Variants in CDH13 observed in about 807,000 individuals in gnomAD.
CDH13 encodes the protein cadherin 13.
A neutral mutation model predicts 63.8 loss-of-function variants in CDH13; 24 were observed. That is an observed-to-expected ratio of 0.38 (90% confidence interval 0.27 to 0.53). The LOEUF is 0.53. Among genes scored for constraint, CDH13 ranks in the 20% least tolerant of loss-of-function variants. CDH13 has a pLI of 0.85. For synonymous variants in CDH13, 503 were observed against 355.3 expected (o/e 1.42, Z -4.67); for missense variants, 1,049 against 903.1 (o/e 1.16, Z -2.07).
At chr16:83,398,614 T>C (rs1166859657) in intron 6 of CDH13, among the ~76,000 whole-genome samples, 1 of 138,160 alleles carries the variant, frequency 7.2e-6, no homozygotes, top group African/African-American at 2.8e-5. Flanking sequence ...GAGCCACCAT[T>C]CAATTCATGG....
intron 5 of CDH13, among the ~76,000 whole-genome samples, chr16:83,342,516 C>G (rs71402063): frequency 6.6e-6 from 1 of 152,178 alleles, no homozygotes; most frequent in Non-Finnish European, 1.5e-5. Context: ...TCTGAAAAGT[C>G]TGAGTCAAAC....
intron 5 of CDH13, among the ~76,000 whole-genome samples, chr16:83,220,085 C>T (rs965760385): frequency 2.6e-5 from 4 of 152,206 alleles, no homozygotes; most frequent in Admixed American, 1.3e-4. Context: ...CCCTTGGCAG[C>T]GCACTCTTCA....
At chr16:82,782,408 A>G (rs2151116951) in intron 1 of CDH13, among the ~76,000 whole-genome samples, 1 of 152,166 alleles carries the variant, frequency 6.6e-6, no homozygotes, top group South Asian at 2.1e-4. Context: ...AAAAATACAA[A>G]CATTAGCCAG....
chr16:82,894,969 G>A (rs921553189), intron 2 of CDH13, among the ~76,000 whole-genome samples: 2 of 152,182 alleles, frequency 1.3e-5, no homozygotes, highest in Admixed American at 6.5e-5. Flanking sequence ...AGGGAAGGGG[G>A]ATGATCTTGT....
chr16:83,514,959 C>T (rs778264270), intron 7 of CDH13, among the ~76,000 whole-genome samples: 1 of 152,112 alleles, frequency 6.6e-6, no homozygotes, highest in Non-Finnish European at 1.5e-5. Flanking sequence ...CACTGAGATG[C>T]CCCTGTTTCT....
chr16:83,698,172 G>T (rs555820973), intron 10 of CDH13, among the ~76,000 whole-genome samples: 2 of 152,330 alleles, frequency 1.3e-5, no homozygotes, highest in Non-Finnish European at 2.9e-5. Context: ...TTTTTAACCA[G>T]GCTGTACTGT....
intron 6 of CDH13, among the ~76,000 whole-genome samples, chr16:83,367,225 T>A (rs2091275394): frequency 6.6e-6 from 1 of 152,214 alleles, no homozygotes; most frequent in Non-Finnish European, 1.5e-5. Context: ...AGTCATGCAA[T>A]ATGTGGCCTT....
At chr16:83,460,196 T>G (rs1370564292) in intron 6 of CDH13, among the ~76,000 whole-genome samples, 1 of 152,244 alleles carries the variant, frequency 6.6e-6, no homozygotes, top group Non-Finnish European at 1.5e-5. Flanking sequence ...TAGATGTATT[T>G]ATATAATTTT....
intron 2 of CDH13, among the ~76,000 whole-genome samples, chr16:82,871,002 A>G (rs2040324506): frequency 6.6e-6 from 1 of 152,184 alleles, no homozygotes. Flanking sequence ...TCAGGAAGTC[A>G]CTATTACTCC....
intron 4 of CDH13, among the ~76,000 whole-genome samples, chr16:83,201,733 T>TAA (rs959135155): frequency 1.3e-4 from 18 of 138,946 alleles, no homozygotes; most frequent in African/African-American, 4.4e-4. Context: ...CCGTCTCTAA[T>TAA]AAAAAAAAAT....
chr16:83,179,638 C>A (rs1006378228), intron 4 of CDH13, among the ~76,000 whole-genome samples: 2 of 142,416 alleles, frequency 1.4e-5, no homozygotes, highest in African/African-American at 2.6e-5. Context: ...GGCTACAGAG[C>A]GAGACTCTCT....
At chr16:82,857,672 G>C (rs146137072) in intron 1 of CDH13, among the ~76,000 whole-genome samples, 3 of 152,106 alleles carry the variant, frequency 2.0e-5, no homozygotes, top group Non-Finnish European at 4.4e-5. Context: ...TTTGCAAAAG[G>C]AATAAGAAAC....
At chr16:83,522,397 A>G (rs1205708930) in intron 7 of CDH13, among the ~76,000 whole-genome samples, 3 of 152,172 alleles carry the variant, frequency 2.0e-5, no homozygotes, top group Admixed American at 2.0e-4. Context: ...GGTAAGGCAT[A>G]TTGGGGAAGA....
At chr16:83,377,265 A>G (rs1356844123) in intron 6 of CDH13, among the ~76,000 whole-genome samples, 1 of 152,210 alleles carries the variant, frequency 6.6e-6, no homozygotes, top group Admixed American at 6.5e-5. Context: ...TTATCAGCCA[A>G]TGGCAAGCAC....
At chr16:83,792,190 G>A (rs1468074698) in intron 13 of CDH13, among the ~76,000 whole-genome samples, 5 of 152,210 alleles carry the variant, frequency 3.3e-5, no homozygotes, top group South Asian at 2.1e-4. Context: ...AGACGGCCGC[G>A]GTCATGCTTT....
chr16:83,240,714 A>T (rs1904346338), intron 5 of CDH13, among the ~76,000 whole-genome samples: 1 of 85,550 alleles, frequency 1.2e-5, no homozygotes, highest in Non-Finnish European at 2.3e-5. Context: ...TTACTGTCTT[A>T]ATCTTTTTTT....
At chr16:83,491,811 A>T (rs1223314318) in intron 7 of CDH13, among the ~76,000 whole-genome samples, 1 of 152,144 alleles carries the variant, frequency 6.6e-6, no homozygotes, top group Non-Finnish European at 1.5e-5. Context: ...CTGTGAATGT[A>T]ATTTGTTTTG....
intron 1 of CDH13, among the ~76,000 whole-genome samples, chr16:82,699,529 C>T (rs142992103): frequency 4.6e-5 from 7 of 152,196 alleles, no homozygotes; most frequent in Non-Finnish European, 5.9e-5. Context: ...ACCCTTAATG[C>T]GTGTCATAAC....
chr16:82,817,176 C>G (rs900697042), intron 1 of CDH13, among the ~76,000 whole-genome samples: 1 of 151,896 alleles, frequency 6.6e-6, no homozygotes, highest in African/African-American at 2.4e-5. Context: ...CTTCGCCCCC[C>G]ACTGCAGGTA....
Sources: allele counts gnomAD v4.1 joint callset (sites outside exome capture counted in the v4.1 genomes callset), GRCh38; gene constraint gnomAD v4.1.1; transcripts MANE v1.5; gene names NCBI Gene and HGNC (gene_info 2026-07-23, HGNC 2026-07-21).